The following SNX18 variants were observed in gnomAD, a reference collection of about 807,000 sequenced individuals.
SNX18 encodes sorting nexin 18, also known as sorting nexin-18.
A neutral mutation model predicts 48.7 loss-of-function variants in SNX18; 35 were observed. The ratio of observed to expected loss-of-function variants is 0.72; its 90% confidence interval spans 0.55 to 0.95. SNX18 has a LOEUF of 0.95. Among genes scored for constraint, SNX18 ranks in the 40% least tolerant of loss-of-function variants. The pLI is 0.00. For missense variants in SNX18, 824 were observed against 871.0 expected (o/e 0.95, Z 0.68); for synonymous variants, 492 against 384.7 (o/e 1.28, Z -3.26).
chr5:54,534,706 T>C (rs1398376242), intron 1 of SNX18, among the ~76,000 whole-genome samples: 1 of 151,120 alleles, frequency 6.6e-6, no homozygotes, highest in Non-Finnish European at 1.5e-5. Flanking sequence ...TGTCTCACTT[T>C]GATGGGTCAG....
chr5:54,642,171 T>A, the SNX18 span, among the ~76,000 whole-genome samples: 33,899 of 152,122 alleles, frequency 0.22, 3,851 homozygotes, highest in Middle Eastern at 0.27. Context: ...GGCTGGGAAC[T>A]TTTTTGTCCT....
chr5:54,627,512 A>G, the SNX18 span, among the ~76,000 whole-genome samples: 1 of 152,096 alleles, frequency 6.6e-6, no homozygotes, highest in Non-Finnish European at 1.5e-5. Flanking sequence ...TACTCTTTAC[A>G]CTGTTCTTTG....
chr5:54,636,505 T>C, the SNX18 span, among the ~76,000 whole-genome samples: 1 of 152,170 alleles, frequency 6.6e-6, no homozygotes, highest in Non-Finnish European at 1.5e-5. Flanking sequence ...ATAGCACTTT[T>C]GCAAAACTAC....
the SNX18 span, among the ~76,000 whole-genome samples, chr5:54,561,500 G>A: frequency 1.5e-3 from 214 of 141,320 alleles, no homozygotes; most frequent in African/African-American, 5.5e-3. Flanking sequence ...GGCACGCCCA[G>A]CTAATTTTTT....
the SNX18 span, among the ~76,000 whole-genome samples, chr5:54,578,617 G>A: frequency 6.6e-6 from 1 of 152,214 alleles, no homozygotes; most frequent in Admixed American, 6.5e-5. Context: ...TCAATTAGTT[G>A]TACAGCAGCA....
chr5:54,599,042 A>G, the SNX18 span, among the ~76,000 whole-genome samples: 2 of 152,190 alleles, frequency 1.3e-5, no homozygotes, highest in African/African-American at 4.8e-5. Flanking sequence ...GTCTCAGAAT[A>G]AAAAATCAAT....
At chr5:54,576,595 C>A in the SNX18 span, among the ~76,000 whole-genome samples, 1 of 152,208 alleles carries the variant, frequency 6.6e-6, no homozygotes, top group Non-Finnish European at 1.5e-5. Flanking sequence ...TTCATGGTGT[C>A]AACGTTTCTT....
rs777520365 is a variant in SNX18, at chr5:54,544,636, C to CA, written c.*1204_*1205insA. The CA allele has an allele frequency of 8.7e-4, 7 of 8,030 alleles. No individual in the cohort carries two copies. In the East Asian group the frequency reaches 0.015, roughly 18 times the overall value. The allele number at this position is 8,030 out of a possible 1,614,324, so 0.5% of individuals were successfully genotyped here. On this transcript the variant is annotated 3_prime_UTR_variant, in exon 2 of 2. Transcript: ENST00000381410. Reference sequence around the variant, plus strand: ...TAAAAAAAAAAAAGGTATTGATGAGCCCCCCCCCCCCAGGACATTTAACCT... The same window carrying CA: ...TAAAAAAAAAAAAGGTATTGATGAGCACCCCCCCCCCCAGGACATTTAACCT...
intron 1 of SNX18, among the ~76,000 whole-genome samples, chr5:54,531,322 G>A (rs934482450): frequency 3.9e-5 from 6 of 152,174 alleles, no homozygotes; most frequent in African/African-American, 1.4e-4. Flanking sequence ...GTAGAAAGTA[G>A]TGAAGCCAGT....
the SNX18 span, among the ~76,000 whole-genome samples, chr5:54,626,657 G>C: frequency 2.0e-5 from 3 of 152,356 alleles, no homozygotes; most frequent in South Asian, 2.1e-4. Context: ...TGTCACATCA[G>C]AGCAGGAAGT....
the SNX18 span, among the ~76,000 whole-genome samples, chr5:54,552,704 G>A: frequency 3.3e-5 from 5 of 152,102 alleles, no homozygotes; most frequent in Admixed American, 1.3e-4. Flanking sequence ...GTTGTGCTTC[G>A]GGCACTGTTG....
the SNX18 span, among the ~76,000 whole-genome samples, chr5:54,581,920 C>T: frequency 6.6e-6 from 1 of 152,174 alleles, no homozygotes; most frequent in South Asian, 2.1e-4. Context: ...GAATCAGAGA[C>T]ACCTGCACCC....
At chr5:54,586,987 CTTT>C in the SNX18 span, among the ~76,000 whole-genome samples, 9 of 143,970 alleles carry the variant, frequency 6.3e-5, no homozygotes, top group South Asian at 2.2e-4. Flanking sequence ...AATTTATTTC[CTTT>C]TTTTTTTTTT....
intron 1 of SNX18, among the ~76,000 whole-genome samples, chr5:54,528,049 T>C (rs768552084): frequency 1.1e-4 from 16 of 152,124 alleles, no homozygotes; most frequent in Non-Finnish European, 2.4e-4. Context: ...TTGAAAATGC[T>C]TAAAGTGCCA....
At chr5:54,623,098 G>C in the SNX18 span, among the ~76,000 whole-genome samples, 1 of 152,256 alleles carries the variant, frequency 6.6e-6, no homozygotes, top group South Asian at 2.1e-4. Context: ...GTTTTAGATT[G>C]TGGGCTCAGT....
chr5:54,621,401 G>A, the SNX18 span, among the ~76,000 whole-genome samples: 1 of 152,178 alleles, frequency 6.6e-6, no homozygotes, highest in Non-Finnish European at 1.5e-5. Flanking sequence ...GGGATAAAGG[G>A]CACTTATTTG....
rs949467949 is a variant in SNX18 at position 54,543,781 on chromosome 5, G to A, written c.*349G>A. 7.9e-5 allele frequency: 15 copies of A among 190,584 alleles called. No individual in the cohort carries two copies. The highest frequency in any genetic ancestry group is 1.5e-4 in the Non-Finnish European group (14 of 92,370). The allele number at this position is 190,584 out of a possible 1,614,324, so 11.8% of individuals were successfully genotyped here. On this transcript the variant is annotated 3_prime_UTR_variant, in exon 2 of 2. Coordinates refer to ENST00000381410, the MANE Select transcript of SNX18 (RefSeq NM_001102575.2). The stretch of plus-strand genomic sequence containing the variant: ...ACCCATGAAGGGTCTCAAAGAAGCT[G>A]GCTGGATACAAGCCTGCTGTGGATG...
chr5:54,585,994 G>A, the SNX18 span, among the ~76,000 whole-genome samples: 3 of 142,774 alleles, frequency 2.1e-5, no homozygotes, highest in African/African-American at 5.3e-5. Context: ...GACGGAGCGA[G>A]ACTCCGTCTC....
the SNX18 span, among the ~76,000 whole-genome samples, chr5:54,636,382 T>G: frequency 6.6e-6 from 1 of 151,998 alleles, no homozygotes; most frequent in African/African-American, 2.4e-5. Flanking sequence ...TTTTTTTATC[T>G]CTGGAGCATT....
Sources: gnomAD v4.1 joint callset for allele counts (sites outside exome capture counted in the v4.1 genomes callset) on GRCh38, gnomAD v4.1.1 for gene constraint, MANE v1.5 for transcripts, NCBI Gene and HGNC (gene_info 2026-07-23, HGNC 2026-07-21) for gene names.